Variants in EPHA3 observed in about 807,000 individuals in gnomAD.
The protein encoded by EPHA3 is ephrin type-A receptor 3.
A neutral mutation model predicts 107.1 loss-of-function variants in EPHA3; 42 were observed. That is an observed-to-expected ratio of 0.39 (90% CI 0.31 to 0.51). EPHA3 has a LOEUF of 0.51. EPHA3 is among the 20% of genes least tolerant of loss of function. The pLI, the probability that EPHA3 is intolerant of heterozygous loss-of-function variation, is 0.78. For missense variants in EPHA3, 1,183 were observed against 1,211.2 expected, an observed-to-expected ratio of 0.98 and a Z score of 0.35; for synonymous variants, 461 against 424.8, an observed-to-expected ratio of 1.09 and a Z score of -1.05.
intron 5 of EPHA3, among the ~76,000 whole-genome samples, chr3:89,392,063 C>T (rs974711756): frequency 6.6e-6 from 1 of 152,156 alleles, no homozygotes; most frequent in African/African-American, 2.4e-5. Flanking sequence ...AGTTTCTCAG[C>T]ATCCTATTCT....
intron 2 of EPHA3, among the ~76,000 whole-genome samples, chr3:89,145,508 T>G (rs542059669): frequency 6.6e-6 from 1 of 151,782 alleles, no homozygotes; most frequent in African/African-American, 2.4e-5. Context: ...TATAGCTCTT[T>G]GAAAGATCTT....
Position 89,127,245 on chromosome 3 carries a change from T to C in EPHA3, c.125T>C (p.Leu42Pro), listed in dbSNP as rs756018331. Residue 42 changes from leucine (L) to proline (P), a missense_variant, in exon 2 of 17, where the codon CTG becomes CCG. Leu to Pro is a moderately conservative substitution (Grantham distance 98). Coordinates refer to ENST00000336596, the MANE Select transcript of EPHA3 (RefSeq NM_005233.6). ...GATTCAAAAACAATTCAAGGGGAGCTGGGCTGGATCTCTTATCCATCACAT... is the reference window on the plus strand; with the variant it reads ...GATTCAAAAACAATTCAAGGGGAGCCGGGCTGGATCTCTTATCCATCACAT... Reference protein sequence around the residue: ...LLDSKTIQGELGWISYPSHGW... With the variant: ...LLDSKTIQGEPGWISYPSHGW... 2 of 1,612,374 alleles carry C rather than the reference T, an allele frequency of 1.2e-6. No individual in the cohort carries two copies. The highest frequency in any genetic ancestry group is 2.2e-5 in the East Asian group (1 of 44,792).
intron 11 of EPHA3, among the ~76,000 whole-genome samples, chr3:89,427,029 G>T (rs555444433): frequency 4.6e-5 from 7 of 151,820 alleles, no homozygotes; most frequent in African/African-American, 1.7e-4. Context: ...TCAAAGTTTA[G>T]TTGGAATTTT....
In EPHA3 at chr3:89,448,283, A is replaced by G. The variant is rs750968944; in HGVS notation, c.2347-942A>G. Among the ~76,000 whole-genome samples the G allele has an allele frequency of 2.0e-5, 3 of 152,152 alleles. No homozygotes were observed. In the South Asian group the frequency reaches 6.2e-4, roughly 32 times the overall value. ...TGGGAGTAAGCTGTATATGATTTAT[A>G]TGCATTATAAAGTTTGAAAAGCAAT... On this transcript the variant is annotated intron_variant, in intron 13 of 16. Coordinates refer to ENST00000336596, the MANE Select transcript of EPHA3 (RefSeq NM_005233.6).
chr3:89,182,486 C>T (rs1005589928), intron 2 of EPHA3, among the ~76,000 whole-genome samples: 3 of 151,614 alleles, frequency 2.0e-5, no homozygotes, highest in African/African-American at 4.8e-5. Context: ...ATTGATTTTC[C>T]GTATAGTACA....
chr3:89,407,016 T>C (rs1422195792), intron 7 of EPHA3, among the ~76,000 whole-genome samples: 1 of 152,186 alleles, frequency 6.6e-6, no homozygotes, highest in Non-Finnish European at 1.5e-5. Flanking sequence ...ATTTAAATAA[T>C]GTTTGATTGA....
chr3:89,146,947 C>A (rs1454098923), intron 2 of EPHA3, among the ~76,000 whole-genome samples: 1 of 151,768 alleles, frequency 6.6e-6, no homozygotes, highest in Non-Finnish European at 1.5e-5. Context: ...AAATGTCCAT[C>A]AATGATAGAC....
At chr3:89,419,616 A>G (rs929341555) in intron 11 of EPHA3, among the ~76,000 whole-genome samples, 1 of 151,448 alleles carries the variant, frequency 6.6e-6, no homozygotes, top group African/African-American at 2.4e-5. Context: ...AAAAAATACT[A>G]GAAGCCACAT....
chr3:89,221,968 G>A (rs1196614684), intron 3 of EPHA3, among the ~76,000 whole-genome samples: 2 of 152,052 alleles, frequency 1.3e-5, no homozygotes, highest in Non-Finnish European at 2.9e-5. Context: ...ATATTAATTA[G>A]CATAACATCT....
chr3:89,227,972 A>G (rs983935749), intron 3 of EPHA3, among the ~76,000 whole-genome samples: 1 of 151,978 alleles, frequency 6.6e-6, no homozygotes, highest in African/African-American at 2.4e-5. Context: ...CTATGTACAG[A>G]GAATTTACAA....
intron 3 of EPHA3, among the ~76,000 whole-genome samples, chr3:89,239,130 G>A (rs1190178344): frequency 6.6e-6 from 1 of 152,122 alleles, no homozygotes; most frequent in Non-Finnish European, 1.5e-5. Context: ...GTAGCTCAAA[G>A]TCAAAAAGAA....
intron 3 of EPHA3, among the ~76,000 whole-genome samples, chr3:89,218,747 C>T (rs1183820477): frequency 1.3e-5 from 2 of 152,086 alleles, no homozygotes; most frequent in Non-Finnish European, 2.9e-5. Flanking sequence ...CATCATTGGC[C>T]ATCAGAGAAA....
chr3:89,166,305 G>A, intron 2 of EPHA3, among the ~76,000 whole-genome samples: 1 of 152,006 alleles, frequency 6.6e-6, no homozygotes, highest in East Asian at 1.9e-4. Flanking sequence ...TAAATTATGA[G>A]GTTTCTGTGG....
chr3:89,323,807 C>T (rs749649493), intron 3 of EPHA3, among the ~76,000 whole-genome samples: 6 of 152,076 alleles, frequency 3.9e-5, no homozygotes, highest in Non-Finnish European at 8.8e-5. Flanking sequence ...ATTATTTTTA[C>T]ATAGAAATTA....
At chr3:89,450,649 G>C (rs896827935) in intron 15 of EPHA3, among the ~76,000 whole-genome samples, 1 of 152,024 alleles carries the variant, frequency 6.6e-6, no homozygotes, top group African/African-American at 2.4e-5. Flanking sequence ...GGAGGGGTGC[G>C]GTGGCTCGTG....
intron 15 of EPHA3, among the ~76,000 whole-genome samples, chr3:89,467,783 T>G (rs1464102270): frequency 6.6e-6 from 1 of 152,168 alleles, no homozygotes; most frequent in Non-Finnish European, 1.5e-5. Flanking sequence ...ATTTTTCACT[T>G]CCCCTGAGCA....
rs529779182 is a variant in EPHA3, at chr3:89,240,030, A to G, written c.814+29510A>G. Among the ~76,000 whole-genome samples the G allele has an allele frequency of 1.3e-3, 205 of 152,326 alleles. 1 individual carries two copies. Among genetic ancestry groups the G allele is most frequent in the African/African-American group, 4.7e-3 (197 of 41,572 alleles). On this transcript the variant is annotated intron_variant, in intron 3 of 16. Transcript: ENST00000336596. ...ACAGCTGTGGTAGGCAAAACTGACA[A>G]CTGAGCACATTCAAGGGTAAGGGTC...
At chr3:89,360,548 C>T (rs1708072442) in intron 5 of EPHA3, among the ~76,000 whole-genome samples, 1 of 151,010 alleles carries the variant, frequency 6.6e-6, no homozygotes, top group South Asian at 2.1e-4. Context: ...TGTATATCTA[C>T]ATCAGCATAG....
At chr3:89,372,537 A>ACTT (rs2107473269) in intron 5 of EPHA3, among the ~76,000 whole-genome samples, 1 of 151,904 alleles carries the variant, frequency 6.6e-6, no homozygotes, top group South Asian at 2.1e-4. Flanking sequence ...ACTTCATCAG[A>ACTT]CTTGGCACTG....
Sources: gnomAD v4.1 joint callset for allele counts (sites outside exome capture counted in the v4.1 genomes callset) on GRCh38, gnomAD v4.1.1 for gene constraint, MANE v1.5 for transcripts, NCBI Gene and HGNC (gene_info 2026-07-23, HGNC 2026-07-21) for gene names.